The following SPMIP3 variants were observed in gnomAD, a reference collection of about 807,000 sequenced individuals.
SPMIP3 encodes the protein protein SPMIP3.
the SPMIP3 span, among the ~76,000 whole-genome samples, chr1:244,362,464 G>A: frequency 2.0e-5 from 3 of 152,184 alleles, no homozygotes; most frequent in African/African-American, 7.2e-5. Flanking sequence ...GGGTTGCTGG[G>A]AGGCTAATAG....
chr1:244,353,117 C>T, the SPMIP3 span, among the ~76,000 whole-genome samples: 1 of 152,184 alleles, frequency 6.6e-6, no homozygotes, highest in Non-Finnish European at 1.5e-5. Context: ...TCAAGCACTC[C>T]TTGGACAGCG....
chr1:244,363,312 G>T, the SPMIP3 span, among the ~76,000 whole-genome samples: 7 of 152,128 alleles, frequency 4.6e-5, no homozygotes, highest in Non-Finnish European at 8.8e-5. Context: ...GGAGGCTGAG[G>T]CAGGAGAACT....
At chr1:244,357,435 G>A in the SPMIP3 span, among the ~76,000 whole-genome samples, 4 of 152,062 alleles carry the variant, frequency 2.6e-5, no homozygotes, top group Admixed American at 6.6e-5. Flanking sequence ...TGGGCTGGGC[G>A]CAGGGGGCTC....
At chr1:244,380,570 T>C in the SPMIP3 span, among the ~76,000 whole-genome samples, 1 of 152,178 alleles carries the variant, frequency 6.6e-6, no homozygotes, top group East Asian at 1.9e-4. Context: ...GGCAGTTTAT[T>C]AACTAGCCCC....
chr1:244,359,886 G>A, the SPMIP3 span, among the ~76,000 whole-genome samples: 4 of 151,930 alleles, frequency 2.6e-5, no homozygotes, highest in East Asian at 1.9e-4. Context: ...CGAGGCTGGC[G>A]GATCACAAGG....
At chr1:244,356,368 T>C in the SPMIP3 span, among the ~76,000 whole-genome samples, 1 of 152,252 alleles carries the variant, frequency 6.6e-6, no homozygotes, top group Non-Finnish European at 1.5e-5. Context: ...TTATTGTATA[T>C]TATAGAAATT....
the SPMIP3 span, among the ~76,000 whole-genome samples, chr1:244,377,022 G>C: frequency 2.0e-5 from 3 of 151,888 alleles, no homozygotes; most frequent in African/African-American, 7.3e-5. Context: ...TGGCCAGGGT[G>C]GTCTCGAACT....
the SPMIP3 span, among the ~76,000 whole-genome samples, chr1:244,372,690 G>A: frequency 5.5e-4 from 84 of 152,222 alleles, no homozygotes; most frequent in East Asian, 0.01. Flanking sequence ...CGATCCGCCC[G>A]CCTTGGCCTC....
the SPMIP3 span, among the ~76,000 whole-genome samples, chr1:244,363,739 C>A: frequency 6.6e-6 from 1 of 152,184 alleles, no homozygotes; most frequent in Non-Finnish European, 1.5e-5. Context: ...CAGACTTCAG[C>A]CACTGCCTTC....
chr1:244,364,556 G>A, the SPMIP3 span: 6 of 754,058 alleles, frequency 8.0e-6, no homozygotes, highest in Admixed American at 2.1e-5. Flanking sequence ...TAGCCTATAT[G>A]CATAGTCCTT....
the SPMIP3 span, among the ~76,000 whole-genome samples, chr1:244,383,871 A>C: frequency 2.0e-5 from 3 of 152,170 alleles, no homozygotes; most frequent in African/African-American, 7.2e-5. Context: ...TTTGGCCTCT[A>C]GTCTGAGAAT....
chr1:244,371,990 G>A, the SPMIP3 span, among the ~76,000 whole-genome samples: 1 of 152,216 alleles, frequency 6.6e-6, no homozygotes, highest in Non-Finnish European at 1.5e-5. Context: ...AGAGCTCCCA[G>A]AGGTCGTCTT....
the SPMIP3 span, among the ~76,000 whole-genome samples, chr1:244,357,317 G>A: frequency 6.6e-6 from 1 of 152,160 alleles, no homozygotes; most frequent in African/African-American, 2.4e-5. Context: ...CAAAGGCAGG[G>A]AAAAGGAGTT....
chr1:244,360,233 A>G, the SPMIP3 span, among the ~76,000 whole-genome samples: 1 of 152,142 alleles, frequency 6.6e-6, no homozygotes, highest in Admixed American at 6.5e-5. Context: ...GCTACTGAGG[A>G]TGTGGAGAAA....
chr1:244,358,817 G>T, the SPMIP3 span, among the ~76,000 whole-genome samples: 1 of 152,118 alleles, frequency 6.6e-6, no homozygotes, highest in Admixed American at 6.6e-5. Context: ...GGTAGGGCAA[G>T]GGCACAGACA....
the SPMIP3 span, chr1:244,375,270 C>T: frequency 1.1e-6 from 1 of 925,164 alleles, no homozygotes; most frequent in South Asian, 1.7e-5. Flanking sequence ...AAACTGGGGA[C>T]AAAGACCAAA....
chr1:244,364,443 T>G, the SPMIP3 span, among the ~76,000 whole-genome samples: 5 of 152,244 alleles, frequency 3.3e-5, no homozygotes, highest in East Asian at 7.7e-4. Context: ...TTATTTAATT[T>G]TTTTTTACTT....
the SPMIP3 span, among the ~76,000 whole-genome samples, chr1:244,370,907 T>C: frequency 6.6e-6 from 1 of 152,280 alleles, no homozygotes; most frequent in Admixed American, 6.5e-5. Flanking sequence ...GAGTTAATCA[T>C]GTTTACCTTG....
chr1:244,363,007 C>CTTTT, the SPMIP3 span, among the ~76,000 whole-genome samples: 3 of 142,762 alleles, frequency 2.1e-5, no homozygotes, highest in Admixed American at 7.1e-5. Context: ...CCACACCAGG[C>CTTTT]TTTTTTTTTT....
Sources: allele counts gnomAD v4.1 joint callset (sites outside exome capture counted in the v4.1 genomes callset), GRCh38; gene constraint gnomAD v4.1.1; transcripts MANE v1.5; gene names NCBI Gene and HGNC (gene_info 2026-07-23, HGNC 2026-07-21).